Variants in CCDC163 observed in about 807,000 individuals in gnomAD.
The protein encoded by CCDC163 is CCDC163 homolog, also known as transmembrane protein CCDC163.
A neutral mutation model predicts 8.2 loss-of-function variants in CCDC163; 13 were observed. The observed-to-expected ratio is 1.59, with a 90% confidence interval of 1.04 to 2.54. The LOEUF is 2.54. CCDC163 is among the 30% of genes most tolerant of loss of function. CCDC163 has a pLI of 0.00. For synonymous variants in CCDC163, 41 were observed against 30.9 expected, an observed-to-expected ratio of 1.33 and a Z score of -1.08; for missense variants, 117 against 78.6, an observed-to-expected ratio of 1.49 and a Z score of -1.85.
At chr1:45,499,482 G>C (rs974687736) in intron 1 of CCDC163, 39 bp from the exon 2 acceptor site, 2 of 777,064 alleles carry the variant, frequency 2.6e-6, no homozygotes, top group Admixed American at 3.4e-5. Context: ...TGAACTCTGA[G>C]AGTCCCTTAG....
At chr1:45,496,110 G>A in intron 4 of CCDC163, 1 of 291,112 alleles carries the variant, frequency 3.4e-6, no homozygotes, top group South Asian at 3.5e-5. Context: ...GGTCCCCAGT[G>A]CCCGACCTGT....
intron 2 of CCDC163, among the ~76,000 whole-genome samples, chr1:45,499,101 C>T (rs1465799065): frequency 6.6e-6 from 1 of 152,180 alleles, no homozygotes; most frequent in African/African-American, 2.4e-5. Context: ...CTATGGGAGT[C>T]TCTAAAGCCC....
At chr1:45,495,590 T>C in intron 4 of CCDC163, 1 of 693,212 alleles carries the variant, frequency 1.4e-6, no homozygotes, top group Non-Finnish European at 2.6e-6. Context: ...TAATGATGTA[T>C]CAAGGGGGCC....
intron 4 of CCDC163, 76 bp downstream of exon 4, chr1:45,496,480 G>A (rs530728759): frequency 2.7e-6 from 2 of 736,966 alleles, no homozygotes; most frequent in Non-Finnish European, 5.0e-6. Context: ...TGGCCTCCCT[G>A]CAGAACAGGA....
chr1:45,497,370 A>G lies in CCDC163; in HGVS notation c.191T>C (p.Val64Ala), dbSNP rs747305155. Residue 64 changes from valine (V) to alanine (A), a missense_variant, in exon 3 of 5, where the codon GTC becomes GCC. By Grantham distance (64) the Val-to-Ala change is moderately conservative. Coordinates refer to ENST00000629482, the MANE Select transcript of CCDC163 (RefSeq NM_001102601.3). ...CTCCTCCCACAGCACTGCAGGAGTG[A>G]CAGCAGTGCTATTCTAAAGTCAATC... ...LGSPPQNSTA[V>A]TPAVLWEESE... 6 of 779,748 alleles carry G rather than the reference A, an allele frequency of 7.7e-6. No homozygotes were observed. The South Asian group carries it at 8.0e-5, about 10-fold the overall frequency. The allele number at this position is 779,748 out of a possible 1,614,324, so 48.3% of individuals were successfully genotyped here.
At chr1:45,495,653 CTCTTTTTTTTTTTTT>C in intron 4 of CCDC163, 2 of 572,770 alleles carry the variant, frequency 3.5e-6, no homozygotes, top group Admixed American at 3.0e-5. Flanking sequence ...GGTCTCCTCC[CTCTTTTTTTTTTTTT>C]TTTTTTTTTT....
Position 45,499,732 on chromosome 1 carries a change from G to C in CCDC163, c.-123C>G. On this transcript the variant is annotated 5_prime_UTR_variant, in exon 1 of 5. Transcript: ENST00000629482. ...ACGTTAGATGGAAAGAGGGAAGTGG[G>C]GATGCAACACTGGGGTAGGTGGATG... 1 of 652,872 alleles carries C rather than the reference G, an allele frequency of 1.5e-6. No homozygotes were observed. The highest frequency in any genetic ancestry group is 2.8e-6 in the Non-Finnish European group (1 of 357,570). 40.4% of individuals were successfully genotyped at this position (652,872 alleles called of 1,614,324 possible). A position where few individuals can be genotyped will look rare whatever the true frequency, so the allele number is the denominator to read the frequency against.
chr1:45,498,295 G>GT (rs1038028874), intron 2 of CCDC163: 1 of 159,394 alleles, frequency 6.3e-6, no homozygotes, highest in African/African-American at 2.5e-5. Context: ...TTGTTCACTT[G>GT]TTTATCTGCT....
chr1:45,497,346 T>A lies in CCDC163; in HGVS notation c.215A>T (p.Glu72Val). Residue 72 changes from glutamate (E) to valine (V), a missense_variant, in exon 3 of 5, where the codon GAG (glutamate) becomes GTG (valine). Physicochemically the swap from Glu to Val is moderately radical, Grantham distance 121. Transcript: ENST00000629482. The stretch of plus-strand genomic sequence containing the variant: ...CAATTCCTTCTGCATAATCTCTGAC[T>A]CCTCCCACAGCACTGCAGGAGTGAC... Reference protein sequence around the residue: ...TAVTPAVLWEESEIMQKELKL... With the variant: ...TAVTPAVLWEVSEIMQKELKL... The A allele has an allele frequency of 1.3e-6, 1 of 780,022 alleles. No individual in the cohort carries two copies. Among genetic ancestry groups the A allele is most frequent in the Non-Finnish European group, 2.4e-6 (1 of 417,564 alleles). 48.3% of individuals were successfully genotyped at this position (780,022 alleles called of 1,614,324 possible).
chr1:45,496,497 GAGA>G (rs1277124336), intron 4 of CCDC163, 56 bp downstream of exon 4: 1 of 757,408 alleles, frequency 1.3e-6, no homozygotes, highest in African/African-American at 1.7e-5. Flanking sequence ...AGGATAGACA[GAGA>G]AAGGAAAGGT....
intron 2 of CCDC163, among the ~76,000 whole-genome samples, chr1:45,497,991 T>C (rs1158315064): frequency 6.7e-6 from 1 of 148,760 alleles, no homozygotes; most frequent in Non-Finnish European, 1.5e-5. Context: ...CGTGTCTGTG[T>C]AGAAAGAAGT....
rs564320354 is a variant in CCDC163 at position 45,494,694 on chromosome 1, C to A, written c.*365G>T. On this transcript the variant is annotated 3_prime_UTR_variant, in exon 5 of 5. Coordinates refer to ENST00000629482, the MANE Select transcript of CCDC163 (RefSeq NM_001102601.3). ...GCTATAGGCTGGGCATGGTGGCTCACAACTGTAATCCCAGCACTTTGGGAG... is the reference window on the plus strand; with the variant it reads ...GCTATAGGCTGGGCATGGTGGCTCAAAACTGTAATCCCAGCACTTTGGGAG... 1.4e-4 allele frequency: 38 copies of A among 279,188 alleles called. No homozygotes were observed. The South Asian group carries it at 1.6e-3, about 12-fold the overall frequency. The allele number at this position is 279,188 out of a possible 1,614,324, so 17.3% of individuals were successfully genotyped here. A position where few individuals can be genotyped will look rare whatever the true frequency, so the allele number is the denominator to read the frequency against.
chr1:45,495,653 CTCT>C, intron 4 of CCDC163: 1 of 572,768 alleles, frequency 1.7e-6, no homozygotes, highest in Non-Finnish European at 3.1e-6. Context: ...GGTCTCCTCC[CTCT>C]TTTTTTTTTT....
intron 4 of CCDC163, 92 bp downstream of exon 4, chr1:45,496,464 G>T: frequency 1.4e-6 from 1 of 720,536 alleles, no homozygotes. Flanking sequence ...GCAGGAGAGG[G>T]TATCCTGGCC....
At chr1:45,495,455 C>T in intron 4 of CCDC163, 1 of 702,770 alleles carries the variant, frequency 1.4e-6, no homozygotes, top group Non-Finnish European at 2.6e-6. Context: ...TGTTACTGTC[C>T]AGAAGACTGA....
intron 2 of CCDC163, among the ~76,000 whole-genome samples, chr1:45,497,669 CGT>C (rs1553161773): frequency 4.1e-5 from 3 of 72,542 alleles, no homozygotes; most frequent in African/African-American, 5.6e-5. Flanking sequence ...AAGTGAGGAG[CGT>C]CTCCGCCCGG....
Position 45,494,859 on chromosome 1 carries a change from G to A in CCDC163, c.*200C>T, listed in dbSNP as rs1570794743. ...CTTGGGAGGCTGAGGCAGGACAATT[G>A]CTTGAACCTGGGAGGCGGAGGTTGC... On this transcript the variant is annotated 3_prime_UTR_variant, in exon 5 of 5. Coordinates refer to ENST00000629482, the MANE Select transcript of CCDC163 (RefSeq NM_001102601.3). 8.7e-6 allele frequency: 5 copies of A among 573,408 alleles called. No homozygotes were observed. The East Asian group carries it at 1.5e-4, about 17-fold the overall frequency. 35.5% of individuals were successfully genotyped at this position (573,408 alleles called of 1,614,324 possible).
At chr1:45,495,749 C>A (rs1654065648) in intron 4 of CCDC163, among the ~76,000 whole-genome samples, 1 of 148,978 alleles carries the variant, frequency 6.7e-6, no homozygotes, top group African/African-American at 2.5e-5. Context: ...TTACTGCAAC[C>A]TCCACCTCCT....
intron 4 of CCDC163, chr1:45,495,428 T>A (rs1204665445): frequency 1.4e-6 from 1 of 702,790 alleles, no homozygotes; most frequent in Non-Finnish European, 2.6e-6. Flanking sequence ...CTGGCTTCCA[T>A]AAAAGTTCCC....
Sources: allele counts gnomAD v4.1 joint callset (sites outside exome capture counted in the v4.1 genomes callset), GRCh38; gene constraint gnomAD v4.1.1; transcripts MANE v1.5; gene names NCBI Gene and HGNC (gene_info 2026-07-23, HGNC 2026-07-21).